Variants in TPRG1 observed in about 807,000 individuals in gnomAD.
TPRG1 encodes tumor protein p63 regulated 1.
TPRG1 carries 29 observed loss-of-function variants against 29.3 expected under a neutral mutation model. That is an observed-to-expected ratio of 0.99 (90% confidence interval 0.74 to 1.35). The LOEUF (loss-of-function observed/expected upper bound fraction) is 1.35. Among genes scored for constraint, TPRG1 ranks in the 40% most tolerant of loss-of-function variants. The pLI is 0.00. For synonymous variants in TPRG1, 130 were observed against 116.8 expected (o/e 1.11, Z -0.73); for missense variants, 327 against 335.0 (o/e 0.98, Z 0.19).
rs529000008 is a variant in TPRG1 at position 189,247,645 on chromosome 3, T to C, written c.479+8736T>C. Among the ~76,000 whole-genome samples, 65 of 152,120 alleles carry C rather than the reference T, an allele frequency of 4.3e-4. No homozygotes were observed. In the South Asian group the frequency reaches 5.0e-3, roughly 12 times the overall value. On this transcript the variant is annotated intron_variant, in intron 4 of 5. Coordinates refer to ENST00000345063, the MANE Select transcript of TPRG1 (RefSeq NM_198485.4). ...TGGAAGAATGGGTTTTATTCACTTATCAATTGTGTCTGTGGAATTTCAAGT... is the reference window on the plus strand; with the variant it reads ...TGGAAGAATGGGTTTTATTCACTTACCAATTGTGTCTGTGGAATTTCAAGT...
intron 3 of TPRG1, among the ~76,000 whole-genome samples, chr3:189,220,341 A>G (rs571681026): frequency 6.6e-6 from 1 of 152,290 alleles, no homozygotes; most frequent in African/African-American, 2.4e-5. Context: ...AAATTGTTAC[A>G]TATTAATAAT....
At chr3:189,138,417 G>A (rs1258702062) in intron 3 of TPRG1, among the ~76,000 whole-genome samples, 2 of 152,286 alleles carry the variant, frequency 1.3e-5, no homozygotes, top group South Asian at 2.1e-4. Flanking sequence ...AGCGGATTAA[G>A]AGAGCAGACT....
intron 4 of TPRG1, among the ~76,000 whole-genome samples, chr3:189,259,286 C>T (rs964458695): frequency 1.3e-5 from 2 of 151,868 alleles, no homozygotes; most frequent in East Asian, 2.0e-4. Flanking sequence ...CCAGGTGAGG[C>T]GACACCCCAC....
intron 4 of TPRG1, among the ~76,000 whole-genome samples, chr3:189,074,966 C>T (rs1007092311): frequency 5.3e-5 from 8 of 151,444 alleles, no homozygotes; most frequent in South Asian, 2.1e-4. Context: ...CGCCCGCCAC[C>T]ACGCCCGGCT....
chr3:189,246,614 C>T (rs945404806), intron 4 of TPRG1, among the ~76,000 whole-genome samples: 2 of 152,032 alleles, frequency 1.3e-5, no homozygotes, highest in African/African-American at 2.4e-5. Context: ...ATTCATTTCC[C>T]TTTAATGTCA....
At chr3:189,024,190 G>A (rs572823735) in intron 4 of TPRG1, among the ~76,000 whole-genome samples, 1 of 152,332 alleles carries the variant, frequency 6.6e-6, no homozygotes, top group African/African-American at 2.4e-5. Context: ...TAGAACATGG[G>A]GAGAGATGGC....
intron 3 of TPRG1, among the ~76,000 whole-genome samples, chr3:189,237,668 G>C (rs146446206): frequency 3.9e-5 from 6 of 152,218 alleles, no homozygotes; most frequent in Non-Finnish European, 8.8e-5. Flanking sequence ...CTAAAATCAA[G>C]GGGATGCTAT....
intron 3 of TPRG1, chr3:189,219,518 GAAAAA>G: frequency 6.3e-6 from 6 of 957,276 alleles, no homozygotes; most frequent in East Asian, 7.5e-5. Context: ...TGGCCCTTCT[GAAAAA>G]AAAAAAAAAA....
chr3:189,150,817 C>T (rs1725848720), exon 5 of TPRG1: 1 of 152,114 alleles, frequency 6.6e-6, no homozygotes, highest in Admixed American at 6.6e-5. Context: ...TATTGTTCAA[C>T]CAGCTCCACG....
chr3:189,319,579 C>T (rs1724060211), intron 5 of TPRG1, among the ~76,000 whole-genome samples: 1 of 152,076 alleles, frequency 6.6e-6, no homozygotes, highest in South Asian at 2.1e-4. Context: ...TACTGCTACA[C>T]TGTCCAAGCC....
chr3:189,261,235 C>T (rs924308050), intron 4 of TPRG1, among the ~76,000 whole-genome samples: 10 of 151,954 alleles, frequency 6.6e-5, no homozygotes, highest in Non-Finnish European at 1.5e-4. Flanking sequence ...TTTTGTTGAC[C>T]TGACCAGAAA....
chr3:189,312,113 C>CTTTG (rs879493918), intron 5 of TPRG1, among the ~76,000 whole-genome samples: 1 of 73,714 alleles, frequency 1.4e-5, no homozygotes. Context: ...TTGTTTCTTT[C>CTTTG]TTTGTTTCTT....
intron 1 of TPRG1, among the ~76,000 whole-genome samples, chr3:189,184,904 T>C (rs1240268289): frequency 6.6e-6 from 1 of 152,212 alleles, no homozygotes; most frequent in Non-Finnish European, 1.5e-5. Context: ...TCTTACCTAG[T>C]GGAGCTTATA....
At position 189,115,908 on chromosome 3, in the gene TPRG1, G is replaced by A. The variant is rs74409827; in HGVS notation, c.-743-11149G>A. Among the ~76,000 whole-genome samples the A allele has an allele frequency of 6.8e-3, 1,029 of 152,088 alleles. 13 individuals carry two copies. Among genetic ancestry groups the A allele is most frequent in the African/African-American group, 0.023 (952 of 41,468 alleles). On this transcript the variant is annotated intron_variant, in intron 1 of 6. Coordinates refer to the TPRG1 transcript ENST00000412373. ...AATTCCTTTTACAGATGTTTGTCAG[G>A]GAAATGTAAATCGAAAACACAATGA...
intron 1 of TPRG1, among the ~76,000 whole-genome samples, chr3:189,203,164 A>G (rs1049288353): frequency 2.0e-5 from 3 of 152,204 alleles, no homozygotes; most frequent in African/African-American, 4.8e-5. Context: ...AGAGAGATAG[A>G]TGAAGTTCCT....
At chr3:189,204,055 A>AC (rs1240787994) in intron 1 of TPRG1, among the ~76,000 whole-genome samples, 1 of 142,272 alleles carries the variant, frequency 7.0e-6, no homozygotes, top group East Asian at 2.1e-4. Flanking sequence ...AAAAAAAAAA[A>AC]AAAAAAACTG....
intron 1 of TPRG1, among the ~76,000 whole-genome samples, chr3:189,112,773 C>T (rs1170945050): frequency 6.6e-6 from 1 of 151,138 alleles, no homozygotes; most frequent in African/African-American, 2.4e-5. Context: ...GTTTTGGTTA[C>T]CGTAGCCTTG....
In TPRG1 at chr3:189,207,398, G is replaced by A. The variant is rs1734562464; in HGVS notation, c.14G>A (p.Gly5Glu). MSTI[G>E]SFEGFQAVSL... Reference sequence around the variant, plus strand: ...TAGGCTGAAGAAATGTCAACAATTGGGAGTTTTGAAGGATTCCAGGCTGTG... The same window carrying A: ...TAGGCTGAAGAAATGTCAACAATTGAGAGTTTTGAAGGATTCCAGGCTGTG... The change falls in exon 2 of 6, where the codon GGG becomes GAG. Residue 5 changes from glycine (G) to glutamate (E), a missense_variant. Gly to Glu is a moderately conservative substitution (Grantham distance 98). Transcript: ENST00000345063. The A allele has an allele frequency of 1.2e-6, 2 of 1,613,842 alleles. No homozygotes were observed. Among genetic ancestry groups the A allele is most frequent in the East Asian group, 2.2e-5 (1 of 44,872 alleles).
chr3:189,159,725 A>C (rs566473129), intron 5 of TPRG1, among the ~76,000 whole-genome samples: 72 of 152,122 alleles, frequency 4.7e-4, no homozygotes, highest in African/African-American at 1.6e-3. Flanking sequence ...TGCAGTGTGG[A>C]ATGGGCAATG....
Sources: allele counts gnomAD v4.1 joint callset (sites outside exome capture counted in the v4.1 genomes callset), GRCh38; gene constraint gnomAD v4.1.1; transcripts MANE v1.5; gene names NCBI Gene and HGNC (gene_info 2026-07-23, HGNC 2026-07-21).